Variants in RNH1 observed in about 807,000 individuals in gnomAD.
RNH1 encodes ribonuclease/angiogenin inhibitor 1.
Under a neutral mutation model 46.1 loss-of-function variants are expected in RNH1, and 38 were observed. The observed-to-expected ratio is 0.82, with a 90% CI of 0.64 to 1.08. The LOEUF (loss-of-function observed/expected upper bound fraction) is 1.08, where lower values mean the gene tolerates loss of function less well. Ranked by LOEUF, RNH1 falls within the 50% of genes least tolerant of loss-of-function variation. The pLI, the probability that RNH1 is intolerant of heterozygous loss-of-function variation, is 0.00. For synonymous variants in RNH1, 319 were observed against 279.1 expected (o/e 1.14, Z -1.43); for missense variants, 577 against 590.7 (o/e 0.98, Z 0.24).
At chr11:497,392 C>G (rs1414930127) in intron 9 of RNH1, among the ~76,000 whole-genome samples, 1 of 147,866 alleles carries the variant, frequency 6.8e-6, no homozygotes, top group African/African-American at 2.5e-5. Flanking sequence ...CACTCGGACA[C>G]TCGTGCTCTC....
rs774353105 is a variant in RNH1, at chr11:498,747, C to T, written c.785+16G>A. The T allele has an allele frequency of 1.2e-5, 19 of 1,591,586 alleles. No individual in the cohort carries two copies. Among genetic ancestry groups the T allele is most frequent in the South Asian group, 1.0e-4 (9 of 90,132 alleles). On this transcript the variant is annotated intron_variant, in intron 7 of 10. Transcript: ENST00000354420. Reference sequence around the variant, plus strand: ...GCCCGACCCTCCGGGAAGGAGGCCTCGCGGAGATGACTCACCACAGGGTCC... The same window carrying T: ...GCCCGACCCTCCGGGAAGGAGGCCTTGCGGAGATGACTCACCACAGGGTCC...
At chr11:499,241 A>G in intron 5 of RNH1, 56 bp from the exon 6 acceptor site, 2 of 1,586,692 alleles carry the variant, frequency 1.3e-6, no homozygotes, top group African/African-American at 1.3e-5. Flanking sequence ...CAAGGGTGTG[A>G]TACCAGGGAG....
intron 4 of RNH1, 36 bp downstream of exon 4, chr11:500,448 G>T (rs781513088): frequency 6.3e-7 from 1 of 1,584,768 alleles, no homozygotes; most frequent in Non-Finnish European, 8.6e-7. Context: ...AAAGCAGACT[G>T]CACCAGGCCA....
intron 3 of RNH1, chr11:500,856 C>A (rs1565034202): frequency 2.8e-6 from 2 of 704,832 alleles, no homozygotes; most frequent in Non-Finnish European, 5.1e-6. Flanking sequence ...TGGCCAGGCG[C>A]GGTGGCTCAC....
At position 494,521 on chromosome 11, in the gene RNH1, G is replaced by A. The variant is rs139430776; in HGVS notation, c.*170C>T. ...GAAGGACAAGAGCCTCTCCTGCCAA[G>A]AAAGTGCTTTAATGATTATAAAGTG... On this transcript the variant is annotated 3_prime_UTR_variant, in exon 11 of 11. Coordinates refer to ENST00000354420, the MANE Select transcript of RNH1 (RefSeq NM_203387.3). 7.0e-5 allele frequency: 46 copies of A among 661,582 alleles called. No homozygotes were observed. The highest frequency in any genetic ancestry group is 1.1e-4 in the Non-Finnish European group (40 of 380,360). 41.0% of individuals were successfully genotyped at this position (661,582 alleles called of 1,614,324 possible). A position where few individuals can be genotyped will look rare whatever the true frequency, so the allele number is the denominator to read the frequency against.
intron 1 of RNH1, chr11:506,468 G>C (rs1171069286): frequency 6.6e-6 from 1 of 152,234 alleles, no homozygotes; most frequent in African/African-American, 2.4e-5. Flanking sequence ...TGCCATTCCA[G>C]TTATGTTGCT....
chr11:507,050 C>A (rs957454966), intron 1 of RNH1, 63 bp downstream of exon 1: 2 of 152,230 alleles, frequency 1.3e-5, no homozygotes, highest in Non-Finnish European at 2.9e-5. Flanking sequence ...CTACAAGAAG[C>A]CCGACCAAGG....
At chr11:499,266 G>C in intron 5 of RNH1, 81 bp from the exon 6 acceptor site, 1 of 1,473,044 alleles carries the variant, frequency 6.8e-7, no homozygotes, top group Non-Finnish European at 9.3e-7. Flanking sequence ...GGGTGTGCTG[G>C]TGTCTCATCT....
intron 9 of RNH1, among the ~76,000 whole-genome samples, chr11:495,294 G>A (rs1848956163): frequency 6.6e-6 from 1 of 152,222 alleles, no homozygotes; most frequent in Non-Finnish European, 1.5e-5. Context: ...CTTCTGCAGG[G>A]AGGAGAAAGG....
intron 5 of RNH1, chr11:499,627 G>T: frequency 1.3e-6 from 1 of 744,226 alleles, no homozygotes; most frequent in East Asian, 2.7e-5. Context: ...GGTGATGACA[G>T]ATCCCCCCAG....
intron 3 of RNH1, 32 bp from the exon 4 acceptor site, chr11:500,686 C>T (rs757999857): frequency 2.1e-5 from 33 of 1,599,496 alleles, no homozygotes; most frequent in African/African-American, 1.5e-4. Flanking sequence ...ATGTGGACCA[C>T]GCAGACAGCA....
Position 501,684 on chromosome 11 carries a change from G to A in RNH1, c.101+378C>T, listed in dbSNP as rs894477689. 1 of 229,162 alleles carries A rather than the reference G, an allele frequency of 4.4e-6. No homozygotes were observed. The highest frequency in any genetic ancestry group is 8.6e-6 in the Non-Finnish European group (1 of 115,812). The allele number at this position is 229,162 out of a possible 1,614,324, so 14.2% of individuals were successfully genotyped here. ...GTTTGTGAGGACCTCGAGGGCCGAG[G>A]ACTCCCAGCCCCCAGCTTGGCAGGG... On this transcript the variant is annotated intron_variant, in intron 3 of 10. Transcript: ENST00000354420. This position sits in a 1 kb window ranked among gnomAD's most constrained non-coding sequence, Gnocchi z 4.1.
At position 499,007 on chromosome 11, in the gene RNH1, G is replaced by C. The variant is rs1849445456; in HGVS notation, c.614+8C>G. On this transcript the variant is annotated splice_region_variant and intron_variant, in intron 6 of 10. Coordinates refer to ENST00000354420, the MANE Select transcript of RNH1 (RefSeq NM_203387.3). ...ACACCCCGCACCCCCCCAAGGCCCAGTGCCTACTTGAGCGCCTCCAGCTGG... is the reference window on the plus strand; with the variant it reads ...ACACCCCGCACCCCCCCAAGGCCCACTGCCTACTTGAGCGCCTCCAGCTGG... 6.2e-7 allele frequency: 1 copy of C among 1,612,646 alleles called. No homozygotes were observed. Among genetic ancestry groups the C allele is most frequent in the East Asian group, 2.2e-5 (1 of 44,836 alleles).
At chr11:497,852 G>C in intron 9 of RNH1, 119 bp downstream of exon 9, 1 of 1,260,754 alleles carries the variant, frequency 7.9e-7, no homozygotes, top group African/African-American at 1.5e-5. Flanking sequence ...TCACCCATGT[G>C]TGCTCACATA....
chr11:497,578 C>T (rs1407775646), intron 9 of RNH1, among the ~76,000 whole-genome samples: 1 of 148,182 alleles, frequency 6.7e-6, no homozygotes, highest in Non-Finnish European at 1.5e-5. Flanking sequence ...GACACGTGCT[C>T]ATTCTTGCCC....
In RNH1 at chr11:499,963, C is replaced by T. The variant is rs752854959; in HGVS notation, c.309G>A (p.Gly103=). 3 of 1,598,204 alleles carry T rather than the reference C, an allele frequency of 1.9e-6. No homozygotes were observed. The highest frequency in any genetic ancestry group is 1.3e-5 in the African/African-American group (1 of 74,664). ...GGGTGCGTAGTGTGCTGGACAGGACCCCGCAGCCGGCCCCCGTCAGGCAGC... is the reference window on the plus strand; with the variant it reads ...GGGTGCGTAGTGTGCTGGACAGGACTCCGCAGCCGGCCCCCGTCAGGCAGC... ...QNCCLTGAGC[G]VLSSTLRTLP... The change falls in exon 5 of 11, where the codon GGG becomes GGA. Residue 103 remains glycine, a synonymous_variant. Coordinates refer to ENST00000354420, the MANE Select transcript of RNH1 (RefSeq NM_203387.3).
At chr11:495,776 G>A (rs1449821354) in intron 9 of RNH1, among the ~76,000 whole-genome samples, 1 of 152,144 alleles carries the variant, frequency 6.6e-6, no homozygotes, top group Admixed American at 6.5e-5. Flanking sequence ...CCATCAGGAG[G>A]AAGCCCTCGA....
rs2133892495 is a variant in RNH1, at chr11:498,912, T to C, written c.636A>G (p.Thr212=). The stretch of plus-strand genomic sequence containing the variant: ...CGCACAGGTCCCGGCAGTTGTCTGA[T>C]GTCACACCGCAGCTCTCCAGCCTGG... ...EALKLESCGV[T]SDNCRDLCGI... Residue 212 remains threonine (T), a synonymous_variant, in exon 7 of 11, where the codon ACA becomes ACG. Coordinates refer to ENST00000354420, the MANE Select transcript of RNH1 (RefSeq NM_203387.3). 1 of 1,612,644 alleles carries C rather than the reference T, an allele frequency of 6.2e-7. No homozygotes were observed. Among genetic ancestry groups the C allele is most frequent in the South Asian group, 1.1e-5 (1 of 91,046 alleles).
chr11:501,083 AGC>A lies in RNH1; in HGVS notation c.102-431_102-430del, dbSNP rs777146287. 2.9e-6 allele frequency: 1 copy of A among 339,166 alleles called. No homozygotes were observed. Among genetic ancestry groups the A allele is most frequent in the Non-Finnish European group, 5.8e-6 (1 of 173,048 alleles). The allele number at this position is 339,166 out of a possible 1,614,324, so 21.0% of individuals were successfully genotyped here. A position where few individuals can be genotyped will look rare whatever the true frequency, so the allele number is the denominator to read the frequency against. On this transcript the variant is annotated intron_variant, in intron 3 of 10. Transcript: ENST00000354420. This position sits in a 1 kb window ranked among gnomAD's most constrained non-coding sequence, Gnocchi z 4.1. ...GTTGAGGCCGCATAAGCCATGAGGG[AGC>A]CACTCCAGCCTGGGTGACAGAGCAA...
Sources: allele counts gnomAD v4.1 joint callset (sites outside exome capture counted in the v4.1 genomes callset), GRCh38; gene constraint gnomAD v4.1.1; non-coding constraint Gnocchi (gnomAD v3.1); transcripts MANE v1.5; gene names NCBI Gene and HGNC (gene_info 2026-07-23, HGNC 2026-07-21).